Variants in FOXN2 observed in about 807,000 individuals in gnomAD.
FOXN2 encodes forkhead box N2.
FOXN2 carries 19 observed loss-of-function variants against 41.2 expected under a neutral mutation model. The observed-to-expected ratio is 0.46, with a 90% CI of 0.32 to 0.68. The LOEUF is 0.68. FOXN2 is among the 30% of genes least tolerant of loss of function. The pLI, the probability that FOXN2 is intolerant of heterozygous loss-of-function variation, is 0.03. For synonymous variants in FOXN2, 195 were observed against 176.8 expected (o/e 1.10, Z -0.82); for missense variants, 587 against 509.4 (o/e 1.15, Z -1.47).
intron 3 of FOXN2, among the ~76,000 whole-genome samples, chr2:48,349,289 C>T (rs1459554360): frequency 1.3e-5 from 2 of 152,084 alleles, no homozygotes; most frequent in East Asian, 3.9e-4. Flanking sequence ...AGTTAGAGAC[C>T]AGCCTGGGCA....
At chr2:48,331,874 G>A (rs1670041427) in intron 2 of FOXN2, among the ~76,000 whole-genome samples, 1 of 151,274 alleles carries the variant, frequency 6.6e-6, no homozygotes, top group African/African-American at 2.4e-5. Context: ...AACTTAGCTG[G>A]ATTTTTTTTG....
chr2:48,355,406 A>C lies in FOXN2; in HGVS notation c.538-3641A>C, dbSNP rs570720476. On this transcript the variant is annotated intron_variant, in intron 3 of 6. Coordinates refer to ENST00000340553, the MANE Select transcript of FOXN2 (RefSeq NM_002158.4). ...AATATAGAAATGGTAATATATTGGC[A>C]TAAAAATTAGCAAGCTATCACCACG... 2.0e-5 allele frequency among the ~76,000 whole-genome samples: 3 copies of C among 152,360 alleles called. No homozygotes were observed. In the South Asian group the frequency reaches 6.2e-4, roughly 32 times the overall value.
intron 1 of FOXN2, among the ~76,000 whole-genome samples, chr2:48,321,429 G>C (rs1230028324): frequency 6.6e-6 from 1 of 152,064 alleles, no homozygotes; most frequent in Non-Finnish European, 1.5e-5. Context: ...CCAGCTACTC[G>C]GGAGGCTGAG....
intron 1 of FOXN2, among the ~76,000 whole-genome samples, chr2:48,319,397 C>G (rs192998782): frequency 1.3e-5 from 2 of 151,924 alleles, no homozygotes; most frequent in Non-Finnish European, 2.9e-5. Flanking sequence ...GGGAATGTTA[C>G]TGGGAATGTT....
At chr2:48,334,835 CT>C (rs761456512) in intron 2 of FOXN2, among the ~76,000 whole-genome samples, 7 of 152,132 alleles carry the variant, frequency 4.6e-5, no homozygotes, top group Non-Finnish European at 7.4e-5. Flanking sequence ...AATTATTTCC[CT>C]TTATGCCCCC....
intron 2 of FOXN2, among the ~76,000 whole-genome samples, chr2:48,337,493 A>G (rs1006862882): frequency 6.6e-6 from 1 of 151,608 alleles, no homozygotes; most frequent in Non-Finnish European, 1.5e-5. Flanking sequence ...TTTGGTACAG[A>G]TGGGGTTTCA....
chr2:48,325,178 A>G (rs1315176445), intron 1 of FOXN2, among the ~76,000 whole-genome samples: 1 of 152,216 alleles, frequency 6.6e-6, no homozygotes, highest in South Asian at 2.1e-4. Flanking sequence ...GTAGCAGTGA[A>G]TAGTGTGAAT....
At chr2:48,313,871 T>G (rs1245076485), upstream of FOXN2, among the ~76,000 whole-genome samples, 1 of 152,162 alleles carries the variant, frequency 6.6e-6, no homozygotes, top group Non-Finnish European at 1.5e-5. Context: ...TTAAAAAAAA[T>G]CTCCATTTTT....
At chr2:48,369,887 C>T (rs899042508) in intron 5 of FOXN2, among the ~76,000 whole-genome samples, 3 of 151,890 alleles carry the variant, frequency 2.0e-5, no homozygotes, top group African/African-American at 7.2e-5. Flanking sequence ...GTGGTCCCAG[C>T]TACTTGGGAA....
At chr2:48,317,688 A>G (rs919364491) in intron 1 of FOXN2, among the ~76,000 whole-genome samples, 2 of 121,636 alleles carry the variant, frequency 1.6e-5, no homozygotes, top group East Asian at 2.6e-4. Context: ...GCTCACTGCA[A>G]CCTCCACCTC....
At position 48,319,122 on chromosome 2, in the gene FOXN2, A is replaced by G. The variant is rs111939604; in HGVS notation, c.-157+4308A>G. On this transcript the variant is annotated intron_variant, in intron 1 of 6. Coordinates refer to ENST00000340553, the MANE Select transcript of FOXN2 (RefSeq NM_002158.4). ...TTCTTGCCTTCTTGCTAGTGTTTTTACAGGTATTGGTGCTTCTGCCACTCA... is the reference window on the plus strand; with the variant it reads ...TTCTTGCCTTCTTGCTAGTGTTTTTGCAGGTATTGGTGCTTCTGCCACTCA... 4.3e-3 allele frequency among the ~76,000 whole-genome samples: 651 copies of G among 151,874 alleles called. 7 individuals are homozygous for G. Among genetic ancestry groups the G allele is most frequent in the African/African-American group, 0.015 (611 of 41,424 alleles).
rs748809970 is a variant in FOXN2, at chr2:48,346,461, A to C, written c.247A>C (p.Ser83Arg). The C allele has an allele frequency of 3.5e-5, 57 of 1,614,026 alleles. No individual in the cohort carries two copies. The highest frequency in any genetic ancestry group is 4.4e-5 in the Non-Finnish European group (52 of 1,180,028). ...SLGSEGLPIV[S>R]PLYDIEGDDV... ...CGGAAGTGAGGGTCTTCCAATTGTT[A>C]GTCCATTGTATGACATAGAGGGAGA... is the stretch of plus-strand genomic sequence containing the variant. Residue 83 changes from serine to arginine, a missense_variant, in exon 3 of 7, where the codon AGT becomes CGT. Transcript: ENST00000340553.
chr2:48,373,431 C>A, intron 6 of FOXN2, 71 bp downstream of exon 6: 1 of 848,106 alleles, frequency 1.2e-6, no homozygotes, highest in South Asian at 1.5e-5. Context: ...TATAAAATAA[C>A]TATTACAGAC....
intron 3 of FOXN2, among the ~76,000 whole-genome samples, chr2:48,352,466 T>G (rs191071966): frequency 6.6e-6 from 1 of 152,238 alleles, no homozygotes; most frequent in Non-Finnish European, 1.5e-5. Flanking sequence ...ATTTAAACTT[T>G]AGTGTTCACT....
upstream of FOXN2, chr2:48,314,536 G>A (rs1668750508): frequency 6.6e-6 from 1 of 152,238 alleles, no homozygotes; most frequent in South Asian, 2.1e-4. Flanking sequence ...GGGGCCGGCC[G>A]AGCCCCCTTC....
At chr2:48,353,585 T>C (rs984289888) in intron 3 of FOXN2, among the ~76,000 whole-genome samples, 24 of 148,886 alleles carry the variant, frequency 1.6e-4, no homozygotes, top group Non-Finnish European at 3.3e-4. Context: ...TGTGTGTGTG[T>C]GTGTGTGTGT....
chr2:48,322,384 A>T (rs1272891806), intron 1 of FOXN2, among the ~76,000 whole-genome samples: 2 of 152,194 alleles, frequency 1.3e-5, no homozygotes, highest in African/African-American at 4.8e-5. Context: ...CACCTGTGTA[A>T]CCCTGTCCTT....
chr2:48,337,613 A>T (rs1366063146), intron 2 of FOXN2, among the ~76,000 whole-genome samples: 2 of 151,964 alleles, frequency 1.3e-5, no homozygotes, highest in African/African-American at 4.8e-5. Context: ...GCCTGATCTC[A>T]TTCTTTTTCG....
chr2:48,353,552 CTGTGTGTGTGTGTGTG>C (rs57528113), intron 3 of FOXN2, among the ~76,000 whole-genome samples: 10,781 of 128,908 alleles, frequency 0.084, 567 homozygotes, highest in Non-Finnish European at 0.12. Context: ...TCACTTAAGA[CTGTGTGTGTGTGTGTG>C]TGTGTGTGTG....
Sources: allele counts gnomAD v4.1 joint callset (sites outside exome capture counted in the v4.1 genomes callset), GRCh38; gene constraint gnomAD v4.1.1; transcripts MANE v1.5; gene names NCBI Gene and HGNC (gene_info 2026-07-23, HGNC 2026-07-21).